Variants in CHST13 observed in about 807,000 individuals in gnomAD.
CHST13 encodes the protein carbohydrate sulfotransferase 13, also known as C4ST-3.
In CHST13, 1 loss-of-function variant was observed where a neutral mutation model predicts 7.0. The observed-to-expected ratio is 0.14, with a 90% CI of 0.05 to 0.68. CHST13 has a LOEUF of 0.68. CHST13 is among the 30% of genes least tolerant of loss of function. The pLI is 0.82. For missense variants in CHST13, 572 were observed against 507.9 expected, an observed-to-expected ratio of 1.13 and a Z score of -1.21; for synonymous variants, 257 against 240.9, an observed-to-expected ratio of 1.07 and a Z score of -0.62.
In CHST13 at chr3:126,524,293, G is replaced by A. The variant is rs960947228; in HGVS notation, c.-40G>A. On this transcript the variant is annotated 5_prime_UTR_variant, in exon 1 of 3. Transcript: ENST00000319340. ...GGCCAGTGCAACTCCGCCCCCAGCC[G>A]TATCCAGCGGACTGTCCTCCGCCGC... The A allele has an allele frequency of 1.7e-5, 21 of 1,221,034 alleles. No individual in the cohort carries two copies. The highest frequency in any genetic ancestry group is 4.7e-5 in the African/African-American group (3 of 63,408). The allele number at this position is 1,221,034 out of a possible 1,614,324, so 75.6% of individuals were successfully genotyped here. A position where few individuals can be genotyped will look rare whatever the true frequency, so the allele number is the denominator to read the frequency against.
Position 126,540,558 on chromosome 3 carries a change from T to G in CHST13, c.181-1175T>G, listed in dbSNP as rs112324231. Among the ~76,000 whole-genome samples the G allele has an allele frequency of 1.2e-3, 190 of 152,344 alleles. 1 individual carries two copies. In the Middle Eastern group the frequency reaches 0.014, roughly 11 times the overall value. On this transcript the variant is annotated intron_variant, in intron 2 of 2. Coordinates refer to ENST00000319340, the MANE Select transcript of CHST13 (RefSeq NM_152889.3). ...AGGTCAGCCCATGTGGCAGCATGTGTCAGCACCGCATTCCTTTCATGGCTG... is the reference window on the plus strand; with the variant it reads ...AGGTCAGCCCATGTGGCAGCATGTGGCAGCACCGCATTCCTTTCATGGCTG...
At chr3:126,525,339 G>A (rs1275943628) in intron 1 of CHST13, among the ~76,000 whole-genome samples, 1 of 152,166 alleles carries the variant, frequency 6.6e-6, no homozygotes, top group African/African-American at 2.4e-5. Context: ...GTCCAGGGTG[G>A]GCGGGGATGT....
chr3:126,535,504 T>C (rs9848138), intron 1 of CHST13, among the ~76,000 whole-genome samples: 15,365 of 58,438 alleles, frequency 0.26, 1,278 homozygotes, highest in African/African-American at 0.42. Flanking sequence ...ACACAGACAG[T>C]ATCGCTGTCC....
At chr3:126,529,872 C>A (rs1936615305) in intron 1 of CHST13, among the ~76,000 whole-genome samples, 1 of 152,372 alleles carries the variant, frequency 6.6e-6, no homozygotes, top group East Asian at 1.9e-4. Context: ...CTGGGATGGG[C>A]CCTCCTGGGC....
At chr3:126,537,558 G>A (rs1004214472) in intron 2 of CHST13, among the ~76,000 whole-genome samples, 3 of 152,164 alleles carry the variant, frequency 2.0e-5, no homozygotes, top group African/African-American at 7.2e-5. Context: ...AGGTAGGGAG[G>A]CCTTCCTTCG....
chr3:126,536,460 C>A, intron 2 of CHST13, 107 bp downstream of exon 2: 1 of 781,958 alleles, frequency 1.3e-6, no homozygotes. Context: ...CACACTGGGG[C>A]ACAGAAGGGC....
chr3:126,539,132 T>C (rs975489226), intron 2 of CHST13, among the ~76,000 whole-genome samples: 4 of 152,080 alleles, frequency 2.6e-5, no homozygotes, highest in African/African-American at 9.7e-5. Flanking sequence ...TTCAAGCATA[T>C]GCAAGAAGAA....
intron 1 of CHST13, among the ~76,000 whole-genome samples, chr3:126,525,103 G>C (rs1185451845): frequency 6.6e-6 from 1 of 152,196 alleles, no homozygotes; most frequent in Non-Finnish European, 1.5e-5. Flanking sequence ...AGAGTGGGGA[G>C]ACAGGTGTGG....
At chr3:126,524,467 A>T in intron 1 of CHST13, 38 bp downstream of exon 1, 1 of 743,086 alleles carries the variant, frequency 1.3e-6, no homozygotes, top group Non-Finnish European at 1.8e-6. Flanking sequence ...CCCCCAACCA[A>T]ACCTGGCTCC....
chr3:126,532,563 A>G (rs1381185586), intron 1 of CHST13, among the ~76,000 whole-genome samples: 3 of 152,244 alleles, frequency 2.0e-5, no homozygotes, highest in Non-Finnish European at 4.4e-5. Flanking sequence ...TCCCTCATCA[A>G]TAATCAACTG....
chr3:126,539,779 A>ACACACCACACACCACAGACAC (rs1936897498), intron 2 of CHST13, among the ~76,000 whole-genome samples: 1 of 73,046 alleles, frequency 1.4e-5, no homozygotes. Context: ...CACAGCACAC[A>ACACACCACACACCACAGACAC]CACACCACAC....
intron 1 of CHST13, among the ~76,000 whole-genome samples, chr3:126,533,087 G>A (rs1258788530): frequency 2.0e-5 from 3 of 151,982 alleles, no homozygotes; most frequent in East Asian, 1.9e-4. Flanking sequence ...ATCTTGCATC[G>A]TGCAACCTTG....
intron 1 of CHST13, 150 bp downstream of exon 1, chr3:126,524,579 C>T: frequency 2.8e-6 from 1 of 359,772 alleles, no homozygotes; most frequent in East Asian, 4.1e-5. Context: ...GCTGGTGAGG[C>T]ACAGAAAGGC....
chr3:126,541,913 A>G lies in CHST13; in HGVS notation c.361A>G (p.Lys121Glu). ...GCCCAAGGTGGCCTGCACCAACTGG[A>G]AGCGCGTGCTGCTGGCGCTGAGCGG... ...YVPKVACTNWKRVLLALSGQA... is the reference protein window; with the variant it reads ...YVPKVACTNWERVLLALSGQA... The change falls in exon 3 of 3, where the codon AAG becomes GAG. Residue 121 changes from lysine (K) to glutamate (E), a missense_variant. Coordinates refer to ENST00000319340, the MANE Select transcript of CHST13 (RefSeq NM_152889.3). 1 of 1,599,672 alleles carries G rather than the reference A, an allele frequency of 6.3e-7. No individual in the cohort carries two copies. The highest frequency in any genetic ancestry group is 8.5e-7 in the Non-Finnish European group (1 of 1,173,766).
chr3:126,540,504 T>C (rs1160207882), intron 2 of CHST13, among the ~76,000 whole-genome samples: 1 of 152,224 alleles, frequency 6.6e-6, no homozygotes, highest in East Asian at 1.9e-4. Context: ...CTTTTGTGAC[T>C]GTACTATTCG....
Position 126,542,442 on chromosome 3 carries a change from C to T in CHST13, c.890C>T (p.Ala297Val). The T allele has an allele frequency of 6.4e-7, 1 of 1,558,394 alleles. No individual in the cohort carries two copies. The highest frequency in any genetic ancestry group is 8.7e-7 in the Non-Finnish European group (1 of 1,154,452). ...CCTGGGCCGCCGCGGCCCCGGGGAG[C>T]CGCCGCCTCCCGCGACCTGGCAGCG... ...SFPGPPRPRG[A>V]AASRDLAARL... The change falls in exon 3 of 3, where the codon GCC (alanine) becomes GTC (valine). Residue 297 changes from alanine (A) to valine (V), a missense_variant. Physicochemically the swap from Ala to Val is moderately conservative, Grantham distance 64. Coordinates refer to ENST00000319340, the MANE Select transcript of CHST13 (RefSeq NM_152889.3).
At chr3:126,538,206 G>A (rs925574707) in intron 2 of CHST13, among the ~76,000 whole-genome samples, 8 of 152,228 alleles carry the variant, frequency 5.3e-5, no homozygotes, top group East Asian at 1.9e-4. Context: ...TGAGCTGCTC[G>A]GAGACTGGCA....
chr3:126,528,813 T>C (rs1936587408), intron 1 of CHST13, among the ~76,000 whole-genome samples: 1 of 152,172 alleles, frequency 6.6e-6, no homozygotes, highest in Non-Finnish European at 1.5e-5. Context: ...TTGCTTATAA[T>C]AATACATGAA....
At chr3:126,531,955 C>A (rs61105867) in intron 1 of CHST13, among the ~76,000 whole-genome samples, 4,888 of 152,302 alleles carry the variant, frequency 0.032, 254 homozygotes, top group African/African-American at 0.11. Context: ...TTCTCCACAT[C>A]CTTGTTATTT....
Sources: gnomAD v4.1 joint callset for allele counts (sites outside exome capture counted in the v4.1 genomes callset) on GRCh38, gnomAD v4.1.1 for gene constraint, MANE v1.5 for transcripts, NCBI Gene and HGNC (gene_info 2026-07-23, HGNC 2026-07-21) for gene names.